The following UGGT2 variants were observed in gnomAD, a reference collection of about 807,000 sequenced individuals.
UGGT2 encodes UDP-glucose glycoprotein glucosyltransferase 2, also known as UDP-glucose:glycoprotein glucosyltransferase 2.
UGGT2 carries 180 observed loss-of-function variants against 192.1 expected under a neutral mutation model. The ratio of observed to expected loss-of-function variants is 0.94; its 90% CI spans 0.83 to 1.06. The LOEUF is 1.06. Among genes scored for constraint, UGGT2 ranks in the 50% least tolerant of loss-of-function variants. The pLI is 0.00. For synonymous variants in UGGT2, 580 were observed against 591.0 expected, an observed-to-expected ratio of 0.98 and a Z score of 0.27; for missense variants, 1,849 against 1,795.7, an observed-to-expected ratio of 1.03 and a Z score of -0.54.
chr13:95,913,836 C>G (rs187475914), intron 20 of UGGT2, among the ~76,000 whole-genome samples: 1 of 152,110 alleles, frequency 6.6e-6, no homozygotes, highest in Non-Finnish European at 1.5e-5. Flanking sequence ...GGAACCAACC[C>G]AAATGTCCAT....
intron 30 of UGGT2, among the ~76,000 whole-genome samples, chr13:95,864,943 C>T (rs117690095): frequency 7.2e-5 from 11 of 152,282 alleles, no homozygotes; most frequent in Non-Finnish European, 1.2e-4. Context: ...TGGCTAGATA[C>T]AGAATCTTGG....
intron 1 of UGGT2, among the ~76,000 whole-genome samples, chr13:96,037,358 G>GC (rs1240536718): frequency 2.6e-5 from 4 of 152,072 alleles, no homozygotes; most frequent in Admixed American, 6.5e-5. Context: ...GCCACCACAC[G>GC]CAGCTATTTT....
At chr13:95,868,292 T>A (rs931130803) in intron 29 of UGGT2, among the ~76,000 whole-genome samples, 1 of 152,072 alleles carries the variant, frequency 6.6e-6, no homozygotes, top group Admixed American at 6.6e-5. Context: ...TGTCCAACAA[T>A]CACCACTAGA....
intron 5 of UGGT2, among the ~76,000 whole-genome samples, chr13:96,010,077 G>A (rs2052110597): frequency 1.3e-5 from 2 of 152,014 alleles, no homozygotes; most frequent in Non-Finnish European, 2.9e-5. Context: ...AAAGCAGTGT[G>A]GCAATCCTCA....
In UGGT2 at chr13:95,981,050, T is replaced by C. The variant is rs143385763; in HGVS notation, c.1092+2754A>G. On this transcript the variant is annotated intron_variant, in intron 10 of 38. Transcript: ENST00000376747. ...TTGTGGGCAGGATGTTTCTTTTATT[T>C]ATGTATTTATTTTAAACTAAATGTT... Among the ~76,000 whole-genome samples the C allele has an allele frequency of 5.8e-3, 887 of 152,264 alleles. 6 individuals carry two copies. The highest frequency in any genetic ancestry group is 9.7e-3 in the Admixed American group (149 of 15,290).
At chr13:96,015,395 C>A (rs754163011) in intron 4 of UGGT2, among the ~76,000 whole-genome samples, 1 of 151,940 alleles carries the variant, frequency 6.6e-6, no homozygotes, top group Non-Finnish European at 1.5e-5. Context: ...ACTTTACACA[C>A]AAAGGTAAGG....
intron 7 of UGGT2, among the ~76,000 whole-genome samples, chr13:95,994,333 C>A (rs906849040): frequency 6.6e-6 from 1 of 151,498 alleles, no homozygotes; most frequent in African/African-American, 2.4e-5. Context: ...CCACAGCTTG[C>A]CAAGTTAATT....
At chr13:95,996,861 T>C (rs2051638659) in intron 6 of UGGT2, among the ~76,000 whole-genome samples, 1 of 152,154 alleles carries the variant, frequency 6.6e-6, no homozygotes, top group African/African-American at 2.4e-5. Context: ...CCAAAACTCA[T>C]GGTCTCAAAG....
intron 10 of UGGT2, among the ~76,000 whole-genome samples, chr13:95,983,299 C>T (rs1330747279): frequency 2.6e-5 from 4 of 152,128 alleles, no homozygotes; most frequent in African/African-American, 4.8e-5. Flanking sequence ...AAAGCCAAAC[C>T]GGTCCTATGT....
chr13:95,884,431 A>G, intron 27 of UGGT2, 60 bp downstream of exon 27: 1 of 1,349,674 alleles, frequency 7.4e-7, no homozygotes, highest in South Asian at 1.8e-5. Context: ...TACAATTGTA[A>G]TAGCTGATAA....
chr13:95,952,337 C>A lies in UGGT2; in HGVS notation c.1336-2883G>T, dbSNP rs1478501479. ...GATTTTGGCAAAAGATATACCCACCCCCTAGTATCTGTAGGGGGATAGGTT... is the reference window on the plus strand; with the variant it reads ...GATTTTGGCAAAAGATATACCCACCACCTAGTATCTGTAGGGGGATAGGTT... On this transcript the variant is annotated intron_variant, in intron 12 of 38. Coordinates refer to ENST00000376747, the MANE Select transcript of UGGT2 (RefSeq NM_020121.4). Among the ~76,000 whole-genome samples, 3 of 152,012 alleles carry A rather than the reference C, an allele frequency of 2.0e-5. No homozygotes were observed. The East Asian group carries it at 5.8e-4, about 29-fold the overall frequency.
Position 95,936,995 on chromosome 13 carries a change from T to C in UGGT2, c.1906A>G (p.Lys636Glu), listed in dbSNP as rs1236503109. ...EPFKHEEMNI[K>E]ELKMAVLQRM... ...TGAAGAACAGCCATTTTTAGTTCTT[T>C]AATATTCATCTCTTCATGTTTAAAG... The change falls in exon 17 of 39, where the codon AAA (lysine) becomes GAA (glutamate). Residue 636 changes from lysine (K) to glutamate (E), a missense_variant. By Grantham distance (56) the Lys-to-Glu change is moderately conservative. Transcript: ENST00000376747. The C allele has an allele frequency of 6.2e-7, 1 of 1,605,282 alleles. No homozygotes were observed. Among genetic ancestry groups the C allele is most frequent in the East Asian group, 2.2e-5 (1 of 44,774 alleles).
chr13:96,033,676 A>G (rs2052908692), intron 1 of UGGT2, among the ~76,000 whole-genome samples: 1 of 152,202 alleles, frequency 6.6e-6, no homozygotes, highest in African/African-American at 2.4e-5. Context: ...ATTTCGGAGC[A>G]AAGTTGCACC....
Position 95,940,092 on chromosome 13 carries a change from C to G in UGGT2, c.1678-1G>C. The stretch of plus-strand genomic sequence containing the variant: ...GATCCTTCTTCACTTTTTGGTACAT[C>G]TGTGAAAATTTAGATATTATAATTA... On this transcript the variant is annotated splice_acceptor_variant, in intron 15 of 38. Transcript: ENST00000376747. LOFTEE classifies it high-confidence loss of function. The G allele has an allele frequency of 6.9e-7, 1 of 1,459,824 alleles. No individual in the cohort carries two copies. The highest frequency in any genetic ancestry group is 9.2e-7 in the Non-Finnish European group (1 of 1,089,824). The allele number at this position is 1,459,824 out of a possible 1,614,324, so 90.4% of individuals were successfully genotyped here. A position where few individuals can be genotyped will look rare whatever the true frequency, so the allele number is the denominator to read the frequency against.
At chr13:95,999,539 T>C (rs777490402) in intron 5 of UGGT2, among the ~76,000 whole-genome samples, 2 of 152,224 alleles carry the variant, frequency 1.3e-5, no homozygotes, top group African/African-American at 2.4e-5. Context: ...TTTAATTACT[T>C]TTTAATTTTT....
chr13:96,027,652 T>C (rs1433161972), intron 2 of UGGT2, among the ~76,000 whole-genome samples: 1 of 152,186 alleles, frequency 6.6e-6, no homozygotes, highest in African/African-American at 2.4e-5. Flanking sequence ...GACACGTAGC[T>C]CTACTGGAAG....
Position 95,813,699 on chromosome 13 carries a change from A to C in UGGT2, c.4529-11887T>G, listed in dbSNP as rs571770475. On this transcript the variant is annotated intron_variant, in intron 38 of 38. Transcript: ENST00000376747. ...CATAACCAAAAGTGAGCCAAGAGCT[A>C]ACATCCAAGACAATGAGAAAAAGTC... Among the ~76,000 whole-genome samples, 3 of 152,350 alleles carry C rather than the reference A, an allele frequency of 2.0e-5. No homozygotes were observed. In the East Asian group the frequency reaches 5.8e-4, roughly 29 times the overall value.
intron 7 of UGGT2, among the ~76,000 whole-genome samples, chr13:95,991,680 T>A (rs1373678468): frequency 6.6e-6 from 1 of 152,166 alleles, no homozygotes; most frequent in Admixed American, 6.5e-5. Flanking sequence ...AAGCAAACAT[T>A]TCCTTTTTCA....
chr13:95,883,919 A>T (rs1267752178), intron 27 of UGGT2, among the ~76,000 whole-genome samples: 3 of 152,158 alleles, frequency 2.0e-5, no homozygotes, highest in Admixed American at 1.3e-4. Flanking sequence ...GCTGAGGAAG[A>T]GAAGTCTGAC....
Sources: gnomAD v4.1 joint callset for allele counts (sites outside exome capture counted in the v4.1 genomes callset) on GRCh38, gnomAD v4.1.1 for gene constraint, MANE v1.5 for transcripts, NCBI Gene and HGNC (gene_info 2026-07-23, HGNC 2026-07-21) for gene names.